IL19: variants seen among roughly 807,000 people sequenced by gnomAD.
The protein encoded by IL19 is interleukin-19.
A neutral mutation model predicts 19.5 loss-of-function variants in IL19; 15 were observed. That is an observed-to-expected ratio of 0.77 (90% confidence interval 0.52 to 1.19). IL19 has a LOEUF of 1.19. IL19 is among the 50% of genes most tolerant of loss of function. The pLI is 0.00. For missense variants in IL19, 199 were observed against 213.1 expected (o/e 0.93, Z 0.41); for synonymous variants, 78 against 78.3 (o/e 1.00, Z 0.02).
rs866341544 is a variant in IL19, at chr1:206,826,358, G to A, written c.-2-10303G>A. Among the ~76,000 whole-genome samples, 9 of 152,320 alleles carry A rather than the reference G, an allele frequency of 5.9e-5. 1 individual carries two copies. In the Middle Eastern group the frequency reaches 0.014, roughly 230 times the overall value. On this transcript the variant is annotated intron_variant, in intron 2 of 6. Coordinates refer to ENST00000659997, the MANE Select transcript of IL19 (RefSeq NM_153758.5). ...CCAGGGCAGAAAATCCTCTAGGAAA[G>A]GAAGTCTGAACTACACCGCTGGCTT...
intron 1 of IL19, among the ~76,000 whole-genome samples, chr1:206,788,308 C>T (rs1343571375): frequency 6.6e-6 from 1 of 152,218 alleles, no homozygotes; most frequent in Non-Finnish European, 1.5e-5. Context: ...AAACTACTAC[C>T]TGTCTTAGTT....
At chr1:206,833,005 G>A (rs753081135) in intron 2 of IL19, among the ~76,000 whole-genome samples, 1 of 152,230 alleles carries the variant, frequency 6.6e-6, no homozygotes, top group African/African-American at 2.4e-5. Context: ...TACCAGCCCA[G>A]TGGGGTCTCA....
At chr1:206,791,090 C>G (rs565325190) in intron 1 of IL19, among the ~76,000 whole-genome samples, 2 of 152,128 alleles carry the variant, frequency 1.3e-5, no homozygotes, top group African/African-American at 2.4e-5. Context: ...GAAGATGGAC[C>G]GTGTATGTTG....
chr1:206,771,214 G>T, intron 1 of IL19, 136 bp downstream of exon 1: 2 of 1,128,088 alleles, frequency 1.8e-6, no homozygotes, highest in Non-Finnish European at 2.7e-6. Flanking sequence ...CCCTCTGGCT[G>T]CTGGATGTGC....
intron 2 of IL19, among the ~76,000 whole-genome samples, chr1:206,803,671 T>G (rs1172261115): frequency 6.6e-6 from 1 of 152,156 alleles, no homozygotes; most frequent in Non-Finnish European, 1.5e-5. Flanking sequence ...AAAAACATGC[T>G]TACAGAAAAC....
chr1:206,799,271 C>T (rs1675615206), intron 2 of IL19, among the ~76,000 whole-genome samples: 1 of 152,108 alleles, frequency 6.6e-6, no homozygotes, highest in Non-Finnish European at 1.5e-5. Flanking sequence ...CTGCATACCC[C>T]TTCCCCATCA....
At chr1:206,781,994 ATGT>A (rs1675156015) in intron 1 of IL19, among the ~76,000 whole-genome samples, 1 of 57,184 alleles carries the variant, frequency 1.7e-5, no homozygotes, top group South Asian at 5.9e-4. Context: ...ATATATGTAT[ATGT>A]TATATATACA....
At chr1:206,815,548 C>T (rs117359105) in intron 2 of IL19, among the ~76,000 whole-genome samples, 1 of 152,166 alleles carries the variant, frequency 6.6e-6, no homozygotes, top group Non-Finnish European at 1.5e-5. Flanking sequence ...AAAAATATTC[C>T]TTTTTTTACT....
intron 1 of IL19, among the ~76,000 whole-genome samples, chr1:206,782,415 TGTAA>T (rs35946466): frequency 0.3 from 44,931 of 151,920 alleles, 7,232 homozygotes; most frequent in East Asian, 0.55. Context: ...GAATGAATGC[TGTAA>T]GTGTTTCACA....
At chr1:206,835,742 A>G (rs1676768731) in intron 2 of IL19, among the ~76,000 whole-genome samples, 1 of 152,288 alleles carries the variant, frequency 6.6e-6, no homozygotes, top group South Asian at 2.1e-4. Flanking sequence ...GTCATAAGAC[A>G]TGCGTTAAGG....
At chr1:206,834,019 GGTAC>G in intron 2 of IL19, 1 of 985,394 alleles carries the variant, frequency 1.0e-6, no homozygotes, top group Non-Finnish European at 1.2e-6. Context: ...TGGCCTGCAG[GGTAC>G]ACTTGGTAAC....
At chr1:206,781,467 G>C (rs1196189042) in intron 1 of IL19, among the ~76,000 whole-genome samples, 6 of 150,114 alleles carry the variant, frequency 4.0e-5, no homozygotes, top group Admixed American at 1.3e-4. Context: ...AGAGAGAGAG[G>C]AGGAAGTTGA....
intron 3 of IL19, 53 bp from the exon 4 acceptor site, chr1:206,836,905 G>T: frequency 6.2e-7 from 1 of 1,602,100 alleles, no homozygotes; most frequent in South Asian, 1.1e-5. Flanking sequence ...TTGCATCTCA[G>T]AAGAACATAG....
intron 2 of IL19, among the ~76,000 whole-genome samples, chr1:206,801,957 A>G (rs919258337): frequency 2.3e-4 from 35 of 152,192 alleles, no homozygotes; most frequent in African/African-American, 7.7e-4. Context: ...AAGGGAAGGG[A>G]CATTTGGGTG....
At position 206,841,072 on chromosome 1, in the gene IL19, T is replaced by G. The variant is rs1016620057; in HGVS notation, c.432T>G (p.Tyr144Ter). The change falls in exon 6 of 7, where the codon TAT becomes TAG. Residue 144 changes from tyrosine (Y) to a stop codon, truncating the protein, a stop_gained. Coordinates refer to ENST00000659997, the MANE Select transcript of IL19 (RefSeq NM_153758.5). LOFTEE classifies it low-confidence loss of function (END_TRUNC). ...TNATRVIHDNYDQLEVHAAAI... is the reference protein window; with the variant it reads ...TNATRVIHDN ...CCACCAGAGTCATCCATGACAACTATGATCAGGTAAGATCTGGGAAGAGGT... is the reference window on the plus strand; with the variant it reads ...CCACCAGAGTCATCCATGACAACTAGGATCAGGTAAGATCTGGGAAGAGGT... The G allele has an allele frequency of 1.2e-6, 2 of 1,613,700 alleles. No homozygotes were observed. The highest frequency in any genetic ancestry group is 1.7e-6 in the Non-Finnish European group (2 of 1,179,560).
chr1:206,790,167 G>A (rs1033293276), intron 1 of IL19, among the ~76,000 whole-genome samples: 5 of 152,098 alleles, frequency 3.3e-5, no homozygotes, highest in African/African-American at 9.7e-5. Context: ...GTGTATAAGC[G>A]TTCCCTTTTC....
intron 2 of IL19, among the ~76,000 whole-genome samples, chr1:206,829,581 G>C (rs542536805): frequency 2.0e-5 from 3 of 152,304 alleles, no homozygotes; most frequent in African/African-American, 7.2e-5. Flanking sequence ...GGGTCTGGAT[G>C]CTGTGGGGAG....
At chr1:206,812,663 C>T in intron 2 of IL19, among the ~76,000 whole-genome samples, 1 of 152,148 alleles carries the variant, frequency 6.6e-6, no homozygotes, top group Non-Finnish European at 1.5e-5. Flanking sequence ...ACCCTTCAGG[C>T]CAGATGGATT....
chr1:206,804,082 C>T (rs1372446700), intron 2 of IL19, among the ~76,000 whole-genome samples: 1 of 152,188 alleles, frequency 6.6e-6, no homozygotes, highest in East Asian at 1.9e-4. Context: ...CTCAGAAGAG[C>T]TTCTTCTCTC....
Sources: allele counts gnomAD v4.1 joint callset (sites outside exome capture counted in the v4.1 genomes callset), GRCh38; gene constraint gnomAD v4.1.1; transcripts MANE v1.5; gene names NCBI Gene and HGNC (gene_info 2026-07-23, HGNC 2026-07-21).